The following PRR5L variants were observed in gnomAD, a reference collection of about 807,000 sequenced individuals.
The protein encoded by PRR5L is proline-rich protein 5-like.
A neutral mutation model predicts 36.4 loss-of-function variants in PRR5L; 21 were observed. The ratio of observed to expected loss-of-function variants is 0.58; its 90% CI spans 0.41 to 0.83. The LOEUF is 0.83. Among genes scored for constraint, PRR5L ranks in the 40% least tolerant of loss-of-function variants. The pLI, the probability that PRR5L is intolerant of heterozygous loss-of-function variation, is 0.00. For synonymous variants in PRR5L, 188 were observed against 197.0 expected (o/e 0.95, Z 0.38); for missense variants, 381 against 473.3 (o/e 0.80, Z 1.81).
In PRR5L at chr11:36,376,786, G is replaced by T. The variant is rs1857270582; in HGVS notation, c.-125-24211G>T. 10 of 936,468 alleles carry T rather than the reference G, an allele frequency of 1.1e-5. No individual in the cohort carries two copies. In the South Asian group the frequency reaches 3.9e-4, roughly 37 times the overall value. The allele number at this position is 936,468 out of a possible 1,614,324, so 58.0% of individuals were successfully genotyped here. ...CGCGCAGGATTGAGCGAAAATTACC[G>T]CGCGCTAATCTGACGGGGCGCGGCG... On this transcript the variant is annotated intron_variant, in intron 1 of 8. Coordinates refer to ENST00000530639, the MANE Select transcript of PRR5L (RefSeq NM_001160167.2).
At chr11:36,413,554 C>G (rs935609349) in intron 3 of PRR5L, among the ~76,000 whole-genome samples, 1 of 151,814 alleles carries the variant, frequency 6.6e-6, no homozygotes, top group Non-Finnish European at 1.5e-5. Flanking sequence ...TCCCAGAAAC[C>G]AGTTTTCCAT....
At chr11:36,385,886 A>G (rs1857448901) in intron 1 of PRR5L, among the ~76,000 whole-genome samples, 1 of 152,252 alleles carries the variant, frequency 6.6e-6, no homozygotes, top group Admixed American at 6.5e-5. Flanking sequence ...CCCCGTGGAC[A>G]ATAATGCTTA....
intron 1 of PRR5L, among the ~76,000 whole-genome samples, chr11:36,337,225 C>T (rs1027066641): frequency 6.6e-6 from 1 of 152,136 alleles, no homozygotes; most frequent in Non-Finnish European, 1.5e-5. Flanking sequence ...GAAGGAGGGC[C>T]TTTCAGAGGT....
rs866293700 is a variant in PRR5L at position 36,464,809 on chromosome 11, G to C, written c.*2073G>C. ...ATATCTTAAATGTCCCTGATGAGGA[G>C]AGCAGTCATCAATTAAATATATAAG... On this transcript the variant is annotated 3_prime_UTR_variant, in exon 9 of 9. Coordinates refer to ENST00000530639, the MANE Select transcript of PRR5L (RefSeq NM_001160167.2). 1.3e-5 allele frequency: 2 copies of C among 152,212 alleles called. No homozygotes were observed. Among genetic ancestry groups the C allele is most frequent in the African/African-American group, 4.8e-5 (2 of 41,454 alleles). 9.4% of individuals were successfully genotyped at this position (152,212 alleles called of 1,614,324 possible).
chr11:36,436,747 C>T (rs1858613542), intron 5 of PRR5L, among the ~76,000 whole-genome samples: 1 of 152,194 alleles, frequency 6.6e-6, no homozygotes, highest in South Asian at 2.1e-4. Flanking sequence ...GGAATCACAG[C>T]TCTGCCTTCG....
intron 1 of PRR5L, among the ~76,000 whole-genome samples, chr11:36,324,317 T>C (rs1856639844): frequency 6.6e-6 from 1 of 152,216 alleles, no homozygotes; most frequent in African/African-American, 2.4e-5. Flanking sequence ...TCATTCAATT[T>C]AGATAATGTT....
chr11:36,372,049 T>C (rs1302882637), intron 1 of PRR5L, among the ~76,000 whole-genome samples: 3 of 151,850 alleles, frequency 2.0e-5, no homozygotes, highest in African/African-American at 7.3e-5. Context: ...CAGAGAGAGA[T>C]TCCATCTCAA....
intron 4 of PRR5L, 66 bp from the exon 5 acceptor site, chr11:36,431,787 A>C: frequency 6.9e-7 from 1 of 1,449,158 alleles, no homozygotes; most frequent in Admixed American, 1.7e-5. Context: ...CTGGAAGTGG[A>C]AGAGGGTTCA....
chr11:36,394,049 C>T (rs1857610650), intron 1 of PRR5L: 1 of 152,168 alleles, frequency 6.6e-6, no homozygotes, highest in Non-Finnish European at 1.5e-5. Context: ...GCCATGCAGC[C>T]TGCTGTATTT....
Position 36,437,572 on chromosome 11 carries a change from C to T in PRR5L, c.444+96C>T, listed in dbSNP as rs1006064596. 24 of 721,338 alleles carry T rather than the reference C, an allele frequency of 3.3e-5. No individual in the cohort carries two copies. In the Middle Eastern group the frequency reaches 1.2e-3, roughly 36 times the overall value. The allele number at this position is 721,338 out of a possible 1,614,324, so 44.7% of individuals were successfully genotyped here. ...AGGGCTCCTGGTAAATGGGAGAAAA[C>T]TTGGAGATTGGGCGCTTGTATTGGT... On this transcript the variant is annotated intron_variant, in intron 6 of 8. Transcript: ENST00000530639.
intron 1 of PRR5L, among the ~76,000 whole-genome samples, chr11:36,336,119 G>T (rs768476787): frequency 1.3e-5 from 2 of 152,158 alleles, no homozygotes; most frequent in Non-Finnish European, 2.9e-5. Flanking sequence ...TCCAAATGTG[G>T]CTGATTTTGT....
At chr11:36,354,947 G>T (rs1857010525) in intron 1 of PRR5L, among the ~76,000 whole-genome samples, 1 of 152,208 alleles carries the variant, frequency 6.6e-6, no homozygotes, top group Non-Finnish European at 1.5e-5. Context: ...TCAGGAGATG[G>T]CTAGAGGTTG....
At chr11:36,396,557 A>G (rs376826018) in intron 1 of PRR5L, among the ~76,000 whole-genome samples, 12 of 152,210 alleles carry the variant, frequency 7.9e-5, no homozygotes, top group Non-Finnish European at 1.5e-4. Flanking sequence ...GGCAATTTAG[A>G]AATAACTACG....
rs5791103 is a variant in PRR5L at position 36,372,365 on chromosome 11, TG to T, written c.-125-28630del. Among the ~76,000 whole-genome samples the T allele has an allele frequency of 6.2e-3, 941 of 152,230 alleles. 7 individuals are homozygous for T. Among genetic ancestry groups the T allele is most frequent in the African/African-American group, 0.018 (755 of 41,536 alleles). On this transcript the variant is annotated intron_variant, in intron 1 of 8. Transcript: ENST00000530639. ...CTCTGGAAGAACAGAATCTGAAAGG[TG>T]GTTTTGATCACAAGGCAGCCTCTCA...
intron 1 of PRR5L, among the ~76,000 whole-genome samples, chr11:36,301,887 T>C (rs1856380614): frequency 6.6e-6 from 1 of 152,218 alleles, no homozygotes; most frequent in African/African-American, 2.4e-5. Flanking sequence ...TACCCCCTCA[T>C]CTTTTTTTCT....
chr11:36,332,859 A>T (rs1486545954), intron 1 of PRR5L, among the ~76,000 whole-genome samples: 1 of 152,196 alleles, frequency 6.6e-6, no homozygotes, highest in Admixed American at 6.5e-5. Context: ...AGGTGCTGGC[A>T]CTATACTTCT....
At chr11:36,323,293 G>C (rs1856630449) in intron 1 of PRR5L, 3 of 152,354 alleles carry the variant, frequency 2.0e-5, no homozygotes, top group South Asian at 4.1e-4. Flanking sequence ...TTGAGTCCCT[G>C]TTCTACTATA....
At chr11:36,371,426 A>T (rs1857196164) in intron 1 of PRR5L, among the ~76,000 whole-genome samples, 1 of 152,176 alleles carries the variant, frequency 6.6e-6, no homozygotes, top group Non-Finnish European at 1.5e-5. Flanking sequence ...CTAGATTGGT[A>T]TTTATCATGA....
intron 1 of PRR5L, among the ~76,000 whole-genome samples, chr11:36,325,425 A>T (rs1360356307): frequency 6.6e-6 from 1 of 152,242 alleles, no homozygotes; most frequent in Non-Finnish European, 1.5e-5. Context: ...CATGGACCAG[A>T]AGACAGTGCA....
Sources: gnomAD v4.1 joint callset for allele counts (sites outside exome capture counted in the v4.1 genomes callset) on GRCh38, gnomAD v4.1.1 for gene constraint, MANE v1.5 for transcripts, NCBI Gene and HGNC (gene_info 2026-07-23, HGNC 2026-07-21) for gene names.